Variants in TAMM41 observed in about 807,000 individuals in gnomAD.
TAMM41 encodes phosphatidate cytidylyltransferase, mitochondrial.
In TAMM41, 36 loss-of-function variants were observed where a neutral mutation model predicts 44.1. That is an observed-to-expected ratio of 0.82 (90% CI 0.63 to 1.08). TAMM41 has a LOEUF of 1.08. TAMM41 is among the 50% of genes least tolerant of loss of function. TAMM41 has a pLI of 0.00. For synonymous variants in TAMM41, 164 were observed against 153.1 expected, an observed-to-expected ratio of 1.07 and a Z score of -0.53; for missense variants, 417 against 404.3, an observed-to-expected ratio of 1.03 and a Z score of -0.27.
At chr3:11,724,697 A>G in the TAMM41 span, 2 of 151,986 alleles carry the variant, frequency 1.3e-5, no homozygotes, top group Non-Finnish European at 2.9e-5. Context: ...CTGCCTCCCA[A>G]TGTGCTGGGA....
chr3:11,729,879 T>C, the TAMM41 span, among the ~76,000 whole-genome samples: 11 of 152,014 alleles, frequency 7.2e-5, 1 homozygote, highest in East Asian at 2.1e-3. Flanking sequence ...GTGTGTGCAG[T>C]GTTGAACATT....
chr3:11,774,891 C>T, the TAMM41 span, among the ~76,000 whole-genome samples: 389 of 118,556 alleles, frequency 3.3e-3, 1 homozygote, highest in African/African-American at 0.011. Flanking sequence ...TTTTTTGAGA[C>T]GGAGTCTCGC....
intron 3 of TAMM41, among the ~76,000 whole-genome samples, chr3:11,838,647 T>C (rs79341759): frequency 0.014 from 2,204 of 152,312 alleles, 33 homozygotes; most frequent in African/African-American, 0.051. Flanking sequence ...TCTCCGGGCA[T>C]GTCACCCTCC....
intron 5 of TAMM41, among the ~76,000 whole-genome samples, chr3:11,816,917 G>C (rs1374172651): frequency 6.6e-6 from 1 of 152,182 alleles, no homozygotes; most frequent in South Asian, 2.1e-4. Flanking sequence ...GATAGACATG[G>C]TAATAATTTC....
At chr3:11,753,566 T>TAA in the TAMM41 span, among the ~76,000 whole-genome samples, 1 of 148,058 alleles carries the variant, frequency 6.8e-6, no homozygotes, top group Non-Finnish European at 1.5e-5. Context: ...CTACTAAAAA[T>TAA]AAAAAAAAAT....
rs949254301 is a variant in TAMM41, at chr3:11,844,034, C to A, written c.313G>T (p.Gly105Cys). ...VYYNSLIMCNGRLIKYGVIST... is the reference protein window; with the variant it reads ...VYYNSLIMCNCRLIKYGVIST... ...AAAGGCCAGCAGTCACTTACCCTAC[C>A]ATTACACATGATCAATGAATTGTAG... The change falls in exon 2 of 8, where the codon GGT becomes TGT. Residue 105 changes from glycine to cysteine, a missense_variant. Transcript: ENST00000455809. 12 of 1,613,876 alleles carry A rather than the reference C, an allele frequency of 7.4e-6. No individual in the cohort carries two copies. Among genetic ancestry groups the A allele is most frequent in the Middle Eastern group, 3.3e-4 (2 of 6,062 alleles).
chr3:11,760,358 A>G, the TAMM41 span, among the ~76,000 whole-genome samples: 1 of 152,184 alleles, frequency 6.6e-6, no homozygotes, highest in Non-Finnish European at 1.5e-5. Context: ...TTCAAGCCGA[A>G]TCAGTTGCTT....
Position 11,837,271 on chromosome 3 carries a change from TGGA to T in TAMM41, c.411+1948_411+1950del, listed in dbSNP as rs201095059. The stretch of plus-strand genomic sequence containing the variant: ...TCGAGAACAATCTATCGGCCTCTTG[TGGA>T]GCCTGGGACCCTCTCACGCACAGTG... On this transcript the variant is annotated intron_variant, in intron 3 of 7. Transcript: ENST00000455809. 2.0e-4 allele frequency among the ~76,000 whole-genome samples: 30 copies of T among 152,296 alleles called. No homozygotes were observed. The East Asian group carries it at 5.6e-3, about 28-fold the overall frequency.
At chr3:11,839,172 G>A (rs2079318333) in intron 3 of TAMM41, 50 bp downstream of exon 3, 3 of 1,182,954 alleles carry the variant, frequency 2.5e-6, no homozygotes, top group Non-Finnish European at 3.7e-6. Context: ...AGTAAGGTTA[G>A]GCTCAGAGAG....
At chr3:11,791,930 T>C (rs755104360) in intron 7 of TAMM41, among the ~76,000 whole-genome samples, 3 of 152,108 alleles carry the variant, frequency 2.0e-5, no homozygotes, top group Non-Finnish European at 2.9e-5. Context: ...CACTTCAGCA[T>C]TGAGACTAGA....
At chr3:11,740,376 G>A in the TAMM41 span, among the ~76,000 whole-genome samples, 35 of 152,132 alleles carry the variant, frequency 2.3e-4, no homozygotes, top group African/African-American at 8.2e-4. Flanking sequence ...GGGGTCCCAT[G>A]TATCCTCTGT....
chr3:11,803,854 G>A (rs2077825379), intron 7 of TAMM41, among the ~76,000 whole-genome samples: 1 of 152,178 alleles, frequency 6.6e-6, no homozygotes, highest in Non-Finnish European at 1.5e-5. Context: ...AGTATCACAT[G>A]TTCTCACTTT....
At chr3:11,804,692 T>C (rs1247425589) in intron 7 of TAMM41, among the ~76,000 whole-genome samples, 1 of 152,130 alleles carries the variant, frequency 6.6e-6, no homozygotes, top group Non-Finnish European at 1.5e-5. Context: ...CAAACAAAAG[T>C]ACCTCATCTT....
At chr3:11,834,258 TA>T (rs2079090574) in intron 3 of TAMM41, among the ~76,000 whole-genome samples, 1 of 151,924 alleles carries the variant, frequency 6.6e-6, no homozygotes, top group Admixed American at 6.6e-5. Context: ...TAAAATAAAA[TA>T]AAGCTACATT....
the TAMM41 span, among the ~76,000 whole-genome samples, chr3:11,766,971 T>C: frequency 6.6e-6 from 1 of 152,216 alleles, no homozygotes; most frequent in Non-Finnish European, 1.5e-5. Context: ...CTTTACCCAG[T>C]TCCCCCCACT....
At chr3:11,820,276 T>G (rs543227964) in intron 4 of TAMM41, among the ~76,000 whole-genome samples, 34 of 152,376 alleles carry the variant, frequency 2.2e-4, no homozygotes, top group African/African-American at 8.2e-4. Flanking sequence ...TTTCTAAAAC[T>G]GTTGAATTCT....
chr3:11,767,760 G>A, the TAMM41 span, among the ~76,000 whole-genome samples: 4 of 150,560 alleles, frequency 2.7e-5, no homozygotes, highest in African/African-American at 9.8e-5. Flanking sequence ...TCAGTGCCTG[G>A]GATTACAGGC....
downstream of TAMM41, among the ~76,000 whole-genome samples, chr3:11,790,051 G>A (rs1410265908): frequency 6.6e-6 from 1 of 152,256 alleles, no homozygotes; most frequent in Admixed American, 6.5e-5. Flanking sequence ...CACACGAAAA[G>A]CCTAGATCCA....
the TAMM41 span, among the ~76,000 whole-genome samples, chr3:11,749,989 C>CT: frequency 6.6e-6 from 1 of 151,792 alleles, no homozygotes. Context: ...GCTCCACCTC[C>CT]CGGTTCATGT....
Sources: gnomAD v4.1 joint callset for allele counts (sites outside exome capture counted in the v4.1 genomes callset) on GRCh38, gnomAD v4.1.1 for gene constraint, MANE v1.5 for transcripts, NCBI Gene and HGNC (gene_info 2026-07-23, HGNC 2026-07-21) for gene names.